Variants in IQCM observed in about 807,000 individuals in gnomAD.
IQCM encodes IQ motif containing M.
Under a neutral mutation model 57.6 loss-of-function variants are expected in IQCM, and 45 were observed. That is an observed-to-expected ratio of 0.78 (90% confidence interval 0.62 to 1.00). The LOEUF (loss-of-function observed/expected upper bound fraction) is 1.00, where lower values mean the gene tolerates loss of function less well. IQCM is among the 50% of genes least tolerant of loss of function. The probability of loss-of-function intolerance (pLI) is 0.00; values close to 1 mark genes in which losing one functional copy is unlikely to be tolerated. For missense variants in IQCM, 468 were observed against 511.6 expected (o/e 0.91, Z 0.82); for synonymous variants, 148 against 158.9 (o/e 0.93, Z 0.51).
At chr4:149,510,099 G>T (rs1560931590) in intron 12 of IQCM, among the ~76,000 whole-genome samples, 2 of 151,974 alleles carry the variant, frequency 1.3e-5, no homozygotes, top group Non-Finnish European at 2.9e-5. Flanking sequence ...ATTTCCACGT[G>T]CAATATATGA....
At position 149,763,143 on chromosome 4, in the gene IQCM, T is replaced by C. The variant is rs560415220; in HGVS notation, c.-48-20404A>G. Among the ~76,000 whole-genome samples the C allele has an allele frequency of 5.3e-5, 8 of 151,904 alleles. 1 individual carries two copies. In the South Asian group the frequency reaches 1.7e-3, roughly 31 times the overall value. ...TTATGGCTTTGTATTTGTACGGAACTCATCATCATCATCACGGTCGTCACC... is the reference window on the plus strand; with the variant it reads ...TTATGGCTTTGTATTTGTACGGAACCCATCATCATCATCACGGTCGTCACC... On this transcript the variant is annotated intron_variant, in intron 2 of 13. Coordinates refer to ENST00000636793, the MANE Select transcript of IQCM (RefSeq NM_001363507.2).
chr4:149,383,019 A>C (rs1731186285), intron 13 of IQCM, among the ~76,000 whole-genome samples: 1 of 151,594 alleles, frequency 6.6e-6, no homozygotes, highest in Admixed American at 6.6e-5. Flanking sequence ...GAAAAATTAT[A>C]CTGAGGCATC....
At chr4:149,622,342 C>CTTTTTTTTTTTT (rs767957507) in intron 7 of IQCM, among the ~76,000 whole-genome samples, 1 of 140,586 alleles carries the variant, frequency 7.1e-6, no homozygotes. Context: ...CAGTGGAATT[C>CTTTTTTTTTTTT]TTTTTTATTT....
intron 7 of IQCM, among the ~76,000 whole-genome samples, chr4:149,644,324 C>T (rs1055946237): frequency 1.3e-5 from 2 of 152,166 alleles, no homozygotes; most frequent in Non-Finnish European, 2.9e-5. Flanking sequence ...CAAGAGCTAA[C>T]GACTTTCCTA....
chr4:149,366,592 C>T (rs1203586142), intron 13 of IQCM, among the ~76,000 whole-genome samples: 3 of 151,866 alleles, frequency 2.0e-5, no homozygotes, highest in African/African-American at 7.2e-5. Context: ...ATGTTTACCA[C>T]TTTTAATACT....
At chr4:149,745,062 C>G (rs1334012639) in intron 2 of IQCM, among the ~76,000 whole-genome samples, 1 of 152,104 alleles carries the variant, frequency 6.6e-6, no homozygotes, top group Non-Finnish European at 1.5e-5. Flanking sequence ...CAGGGTTAAT[C>G]AGAACCAAAT....
At chr4:149,807,303 A>G (rs1419908064) in intron 2 of IQCM, among the ~76,000 whole-genome samples, 1 of 152,078 alleles carries the variant, frequency 6.6e-6, no homozygotes, top group East Asian at 1.9e-4. Flanking sequence ...TACTGACATA[A>G]AACTCCAAGA....
At chr4:149,369,977 C>T (rs561007957) in intron 13 of IQCM, among the ~76,000 whole-genome samples, 21 of 152,142 alleles carry the variant, frequency 1.4e-4, no homozygotes, top group Non-Finnish European at 2.5e-4. Context: ...CTCACTGCAG[C>T]CTCAGTCTCC....
intron 12 of IQCM, among the ~76,000 whole-genome samples, chr4:149,509,618 C>T (rs767473524): frequency 6.6e-6 from 1 of 151,770 alleles, no homozygotes; most frequent in African/African-American, 2.4e-5. Context: ...AATCTAAGGC[C>T]AAGAAAGGGA....
chr4:149,627,027 T>C (rs1311487326), intron 7 of IQCM, among the ~76,000 whole-genome samples: 1 of 152,142 alleles, frequency 6.6e-6, no homozygotes, highest in East Asian at 1.9e-4. Context: ...CTACCACAAT[T>C]CACTTAGACA....
intron 13 of IQCM, among the ~76,000 whole-genome samples, chr4:149,353,172 G>A (rs1189811349): frequency 1.3e-5 from 2 of 152,064 alleles, no homozygotes; most frequent in African/African-American, 4.8e-5. Context: ...TGGACAACAG[G>A]TATATGAAAA....
chr4:149,760,154 G>A (rs1290487383), intron 2 of IQCM, among the ~76,000 whole-genome samples: 1 of 152,002 alleles, frequency 6.6e-6, no homozygotes, highest in African/African-American at 2.4e-5. Context: ...TTAAAGGACA[G>A]CAAGGAAGGC....
chr4:149,708,683 T>G (rs1449802505), intron 5 of IQCM, among the ~76,000 whole-genome samples: 1 of 152,050 alleles, frequency 6.6e-6, no homozygotes, highest in African/African-American at 2.4e-5. Context: ...TTTCCTCACA[T>G]TGTATACTAC....
At chr4:149,461,032 C>T (rs771680580) in intron 12 of IQCM, among the ~76,000 whole-genome samples, 4 of 152,010 alleles carry the variant, frequency 2.6e-5, no homozygotes, top group Non-Finnish European at 4.4e-5. Context: ...ATCGGGAGTT[C>T]GAGACCAGCC....
intron 2 of IQCM, among the ~76,000 whole-genome samples, chr4:149,744,034 T>C (rs1767699420): frequency 6.6e-6 from 1 of 152,194 alleles, no homozygotes; most frequent in Non-Finnish European, 1.5e-5. Flanking sequence ...TTGGTAATTA[T>C]TTCAGTAAAT....
intron 13 of IQCM, among the ~76,000 whole-genome samples, chr4:149,418,956 A>G (rs1318506725): frequency 6.6e-6 from 1 of 152,192 alleles, no homozygotes; most frequent in Non-Finnish European, 1.5e-5. Flanking sequence ...GACCTCTTCA[A>G]GGAGAACTAC....
At position 149,578,608 on chromosome 4, in the gene IQCM, G is replaced by A. The variant is rs183100501; in HGVS notation, c.749+9322C>T. On this transcript the variant is annotated intron_variant, in intron 9 of 13. Transcript: ENST00000636793. Reference sequence around the variant, plus strand: ...GAGCTGACTCTACCTACTCCCATCCGTCTCTCTCACCTCTGCTCAAAAAAG... The same window carrying A: ...GAGCTGACTCTACCTACTCCCATCCATCTCTCTCACCTCTGCTCAAAAAAG... Among the ~76,000 whole-genome samples, 183 of 151,738 alleles carry A rather than the reference G, an allele frequency of 1.2e-3. 1 individual carries two copies. The Middle Eastern group carries it at 0.014, about 11-fold the overall frequency.
At chr4:149,658,837 C>T (rs1431832265) in intron 7 of IQCM, among the ~76,000 whole-genome samples, 3 of 151,920 alleles carry the variant, frequency 2.0e-5, no homozygotes, top group Non-Finnish European at 4.4e-5. Flanking sequence ...TATTGTGAAA[C>T]TTTACTGAAT....
chr4:149,718,692 T>C (rs575799628), intron 5 of IQCM, among the ~76,000 whole-genome samples: 54 of 152,324 alleles, frequency 3.5e-4, no homozygotes, highest in African/African-American at 8.9e-4. Flanking sequence ...CTCTCCTTCA[T>C]AGCCTCTAGG....
Sources: gnomAD v4.1 joint callset for allele counts (sites outside exome capture counted in the v4.1 genomes callset) on GRCh38, gnomAD v4.1.1 for gene constraint, MANE v1.5 for transcripts, NCBI Gene and HGNC (gene_info 2026-07-23, HGNC 2026-07-21) for gene names.